The following SMAD1 variants were observed in gnomAD, a reference collection of about 807,000 sequenced individuals.
SMAD1 encodes SMAD family member 1.
A neutral mutation model predicts 41.6 loss-of-function variants in SMAD1; 6 were observed. The ratio of observed to expected loss-of-function variants is 0.14; its 90% CI spans 0.08 to 0.28. The LOEUF (loss-of-function observed/expected upper bound fraction) is 0.28. Ranked by LOEUF, SMAD1 falls within the 10% of genes least tolerant of loss-of-function variation. The pLI, the probability that SMAD1 is intolerant of heterozygous loss-of-function variation, is 1.00. For missense variants in SMAD1, 379 were observed against 582.6 expected (o/e 0.65, Z 3.60); for synonymous variants, 206 against 203.2 (o/e 1.01, Z -0.12).
intron 2 of SMAD1, among the ~76,000 whole-genome samples, chr4:145,522,692 T>A (rs943678651): frequency 2.6e-5 from 4 of 152,130 alleles, no homozygotes; most frequent in Non-Finnish European, 5.9e-5. Context: ...TTGTTTTTTT[T>A]AATTTGAGAT....
rs375386905 is a variant in SMAD1, at chr4:145,550,288, G to A, written c.997+3364G>A. ...AGTGCTTTGGGAGGCTAAGGCAGGT[G>A]GATCAGTTGAGGTCAGGAGTTCGAG... On this transcript the variant is annotated intron_variant, in intron 5 of 6. Transcript: ENST00000302085. Among the ~76,000 whole-genome samples the A allele has an allele frequency of 4.2e-4, 64 of 152,264 alleles. 1 individual carries two copies. In the South Asian group the frequency reaches 0.011, roughly 27 times the overall value.
intron 1 of SMAD1, among the ~76,000 whole-genome samples, chr4:145,505,783 T>TA (rs1209923355): frequency 6.6e-6 from 1 of 152,120 alleles, no homozygotes; most frequent in Non-Finnish European, 1.5e-5. Flanking sequence ...AGTCTGGAAA[T>TA]ACGCACTTAG....
chr4:145,516,813 G>C (rs897927241), intron 2 of SMAD1, among the ~76,000 whole-genome samples: 4 of 152,048 alleles, frequency 2.6e-5, no homozygotes, highest in Non-Finnish European at 5.9e-5. Flanking sequence ...TTTGATCCTC[G>C]TAGTAACCTT....
intron 2 of SMAD1, among the ~76,000 whole-genome samples, chr4:145,527,356 T>C (rs1472746193): frequency 6.6e-6 from 1 of 151,394 alleles, no homozygotes; most frequent in Non-Finnish European, 1.5e-5. Context: ...CCCAAGTAGC[T>C]GGGACTACAG....
intron 1 of SMAD1, among the ~76,000 whole-genome samples, chr4:145,506,679 T>C (rs1729807079): frequency 6.6e-6 from 1 of 151,862 alleles, no homozygotes; most frequent in African/African-American, 2.4e-5. Flanking sequence ...CATATACAAA[T>C]TAGGGTAATT....
intron 1 of SMAD1, among the ~76,000 whole-genome samples, chr4:145,508,415 T>TA (rs951689533): frequency 3.3e-5 from 5 of 152,144 alleles, no homozygotes; most frequent in African/African-American, 1.2e-4. Context: ...TTGGACAAGA[T>TA]ACTCAACTAT....
Position 145,525,275 on chromosome 4 carries a change from C to T in SMAD1, c.400+10262C>T, listed in dbSNP as rs1001492297. Among the ~76,000 whole-genome samples the T allele has an allele frequency of 3.3e-5, 5 of 152,262 alleles. No individual in the cohort carries two copies. In the South Asian group the frequency reaches 6.2e-4, roughly 19 times the overall value. ...TTCCCCTTAAAATGAAAATGTTCTC[C>T]GGAAAGACTAAGCATCATGACTAAT... On this transcript the variant is annotated intron_variant, in intron 2 of 6. Coordinates refer to ENST00000302085, the MANE Select transcript of SMAD1 (RefSeq NM_005900.3).
intron 5 of SMAD1, among the ~76,000 whole-genome samples, chr4:145,547,469 A>G (rs147887299): frequency 4.6e-4 from 70 of 152,362 alleles, no homozygotes; most frequent in African/African-American, 1.7e-3. Flanking sequence ...AGAAAAAATA[A>G]AGACCAAAAA....
At chr4:145,517,765 T>C (rs1418741463) in intron 2 of SMAD1, among the ~76,000 whole-genome samples, 1 of 126,998 alleles carries the variant, frequency 7.9e-6, no homozygotes, top group African/African-American at 2.5e-5. Context: ...GGTGAAAAGT[T>C]AAAACCAATA....
At chr4:145,549,061 A>G (rs1423903661) in intron 5 of SMAD1, among the ~76,000 whole-genome samples, 1 of 152,224 alleles carries the variant, frequency 6.6e-6, no homozygotes, top group African/African-American at 2.4e-5. Flanking sequence ...TCTATTAAAA[A>G]GGGTGAAGAA....
At chr4:145,552,384 G>T (rs1732596600) in intron 5 of SMAD1, among the ~76,000 whole-genome samples, 1 of 152,194 alleles carries the variant, frequency 6.6e-6, no homozygotes, top group African/African-American at 2.4e-5. Context: ...TACCTACAAG[G>T]TGGATCATTT....
intron 1 of SMAD1, chr4:145,497,467 A>T (rs1729153174): frequency 6.6e-6 from 1 of 152,188 alleles, no homozygotes; most frequent in African/African-American, 2.4e-5. Context: ...CTTGATGGTA[A>T]TGGGAACTGT....
Position 145,514,436 on chromosome 4 carries a change from A to T in SMAD1, c.-176-2A>T. The stretch of plus-strand genomic sequence containing the variant: ...TCTAACCATTCTTTTTTTGTTTTGT[A>T]GGTGCTGACTGGGTTACTTTTTTAA... On this transcript the variant is annotated splice_acceptor_variant, in intron 1 of 6. Transcript: ENST00000302085. LOFTEE classifies it low-confidence loss of function (5UTR_SPLICE). This position sits in a 1 kb window ranked among gnomAD's most constrained non-coding sequence, Gnocchi z 4.7. 7.4e-6 allele frequency: 4 copies of T among 541,200 alleles called. No homozygotes were observed. Among genetic ancestry groups the T allele is most frequent in the African/African-American group, 1.9e-5 (1 of 52,382 alleles). 33.5% of individuals were successfully genotyped at this position (541,200 alleles called of 1,614,324 possible). A position where few individuals can be genotyped will look rare whatever the true frequency, so the allele number is the denominator to read the frequency against.
intron 6 of SMAD1, 58 bp from the exon 7 acceptor site, chr4:145,557,733 T>G: frequency 1.5e-6 from 2 of 1,360,390 alleles, no homozygotes; most frequent in Non-Finnish European, 2.0e-6. Flanking sequence ...TCTTCTTACT[T>G]AATAAGTTTA....
chr4:145,483,267 A>T (rs1345901319), intron 1 of SMAD1: 1 of 152,160 alleles, frequency 6.6e-6, no homozygotes, highest in Non-Finnish European at 1.5e-5. Context: ...GGAATGATAC[A>T]GAAGTTGCAT....
At chr4:145,494,564 C>T (rs1241440683) in intron 1 of SMAD1, among the ~76,000 whole-genome samples, 1 of 152,176 alleles carries the variant, frequency 6.6e-6, no homozygotes, top group African/African-American at 2.4e-5. Context: ...CCCTTGTCTA[C>T]TCATCAAAAT....
chr4:145,522,248 G>A lies in SMAD1; in HGVS notation c.400+7235G>A, dbSNP rs541792023. Among the ~76,000 whole-genome samples, 565 of 151,934 alleles carry A rather than the reference G, an allele frequency of 3.7e-3. 3 individuals are homozygous for A. The highest frequency in any genetic ancestry group is 0.013 in the African/African-American group (533 of 41,416). ...CAGGAGGTGGAGCTTGCAGTGAGCC[G>A]GGATCGCGCCACTGCACTCCAGCCA... On this transcript the variant is annotated intron_variant, in intron 2 of 6. Coordinates refer to ENST00000302085, the MANE Select transcript of SMAD1 (RefSeq NM_005900.3).
rs184335659 is a variant in SMAD1, at chr4:145,522,117, A to G, written c.400+7104A>G. Among the ~76,000 whole-genome samples the G allele has an allele frequency of 3.9e-3, 581 of 150,766 alleles. 1 individual carries two copies. The highest frequency in any genetic ancestry group is 0.013 in the African/African-American group (551 of 40,824). ...GGTGACCATCCTGGCTAACACGGTG[A>G]AACCCCGTCTCTGCTAAAAATACAA... On this transcript the variant is annotated intron_variant, in intron 2 of 6. Coordinates refer to ENST00000302085, the MANE Select transcript of SMAD1 (RefSeq NM_005900.3).
chr4:145,495,642 A>G (rs1420312044), intron 1 of SMAD1, among the ~76,000 whole-genome samples: 3 of 146,458 alleles, frequency 2.0e-5, no homozygotes, highest in Non-Finnish European at 3.0e-5. Flanking sequence ...TTTTAACTAG[A>G]CAGGGTCTTG....
Sources: allele counts gnomAD v4.1 joint callset (sites outside exome capture counted in the v4.1 genomes callset), GRCh38; gene constraint gnomAD v4.1.1; non-coding constraint Gnocchi (gnomAD v3.1); transcripts MANE v1.5; gene names NCBI Gene and HGNC (gene_info 2026-07-23, HGNC 2026-07-21).